The following TENM1 variants were observed in gnomAD, a reference collection of about 807,000 sequenced individuals.
TENM1 encodes the protein teneurin-1.
A neutral mutation model predicts 174.8 loss-of-function variants in TENM1; 35 were observed. That is an observed-to-expected ratio of 0.20 (90% confidence interval 0.15 to 0.27). The LOEUF is 0.27. Ranked by LOEUF, TENM1 falls within the 10% of genes least tolerant of loss-of-function variation. The pLI, the probability that TENM1 is intolerant of heterozygous loss-of-function variation, is 1.00. For synonymous variants in TENM1, 781 were observed against 798.7 expected (o/e 0.98, Z 0.37); for missense variants, 1,633 against 2,130.1 (o/e 0.77, Z 4.59).
intron 3 of TENM1, among the ~76,000 whole-genome samples, chrX:124,756,163 T>C (rs916660401): frequency 1.1e-4 from 11 of 103,276 alleles, no homozygotes; most frequent in Non-Finnish European, 1.5e-4. Flanking sequence ...CATAGTCCCA[T>C]ATTTCTTGGA....
chrX:124,691,613 G>C (rs745392602), intron 5 of TENM1, among the ~76,000 whole-genome samples: 8 of 111,570 alleles, frequency 7.2e-5, no homozygotes, highest in African/African-American at 2.6e-4. Flanking sequence ...ACTTTCCTCT[G>C]TTTCAATGGT....
At chrX:124,750,598 G>A (rs2054040338) in intron 3 of TENM1, among the ~76,000 whole-genome samples, 1 of 111,834 alleles carries the variant, frequency 8.9e-6, no homozygotes, top group Non-Finnish European at 1.9e-5. Context: ...TTAAGAATGT[G>A]TAATTTTTAA....
At chrX:124,647,041 C>T (rs771001357) in intron 8 of TENM1, among the ~76,000 whole-genome samples, 1 of 110,585 alleles carries the variant, frequency 9.0e-6, no homozygotes, top group South Asian at 3.8e-4. Flanking sequence ...AGAGTGGAAC[C>T]AAAAAACATC....
the TENM1 span, among the ~76,000 whole-genome samples, chrX:125,015,620 C>T: frequency 5.4e-5 from 6 of 111,138 alleles, no homozygotes; most frequent in Admixed American, 3.8e-4. Context: ...CCTATGCTTT[C>T]TGTGTTGTGA....
the TENM1 span, among the ~76,000 whole-genome samples, chrX:125,153,504 AT>A: frequency 8.9e-6 from 1 of 112,476 alleles, no homozygotes; most frequent in Non-Finnish European, 1.9e-5. Flanking sequence ...AACTAAGGTT[AT>A]TTTAATGCCA....
At chrX:124,944,144 CAA>C (rs1293892874) in intron 1 of TENM1, among the ~76,000 whole-genome samples, 1 of 111,394 alleles carries the variant, frequency 9.0e-6, no homozygotes, top group Admixed American at 9.6e-5. Flanking sequence ...ATGATAAGTT[CAA>C]GAGTCTTTTA....
At chrX:125,066,016 C>A in the TENM1 span, among the ~76,000 whole-genome samples, 1 of 112,068 alleles carries the variant, frequency 8.9e-6, no homozygotes. Flanking sequence ...AAGAGAGTGA[C>A]CAAGATAGCT....
At chrX:124,702,450 A>G (rs930077574) in intron 5 of TENM1, among the ~76,000 whole-genome samples, 3 of 112,197 alleles carry the variant, frequency 2.7e-5, no homozygotes, top group African/African-American at 9.7e-5. Flanking sequence ...ATTTAGCCTG[A>G]TATTTCTGCA....
chrX:124,853,291 T>A (rs956379014), intron 3 of TENM1, among the ~76,000 whole-genome samples: 3 of 111,401 alleles, frequency 2.7e-5, no homozygotes, highest in Non-Finnish European at 5.7e-5. Context: ...ACAGAGTACG[T>A]CATATTTGGG....
intron 3 of TENM1, among the ~76,000 whole-genome samples, chrX:124,874,211 G>T (rs373280033): frequency 1.8e-5 from 2 of 111,023 alleles, no homozygotes; most frequent in Admixed American, 9.6e-5. Context: ...TTTTCATATC[G>T]ACTGTATCTA....
chrX:124,383,599 C>G (rs1275204134), intron 30 of TENM1, 35 bp downstream of exon 33: 1 of 1,149,386 alleles, frequency 8.7e-7, no homozygotes, highest in Admixed American at 2.4e-5. Flanking sequence ...CTGAGTTACT[C>G]AAGTTTAGCT....
intron 11 of TENM1, among the ~76,000 whole-genome samples, chrX:124,613,743 G>A (rs764651149): frequency 9.0e-6 from 1 of 111,613 alleles, no homozygotes; most frequent in South Asian, 3.8e-4. Flanking sequence ...AACTGTAAGA[G>A]AGTATATTAT....
At chrX:124,432,172 A>C (rs1474300643) in intron 23 of TENM1, among the ~76,000 whole-genome samples, 1 of 111,870 alleles carries the variant, frequency 8.9e-6, no homozygotes, top group Non-Finnish European at 1.9e-5. Context: ...AAGATCAATA[A>C]GGGCCATCGC....
the TENM1 span, among the ~76,000 whole-genome samples, chrX:125,201,755 T>A: frequency 9.0e-6 from 1 of 111,676 alleles, no homozygotes; most frequent in African/African-American, 3.3e-5. Context: ...TCATGAAAAG[T>A]TTTCAACATT....
intron 4 of TENM1, among the ~76,000 whole-genome samples, chrX:124,713,082 C>T (rs1331916126): frequency 1.8e-5 from 2 of 111,280 alleles, no homozygotes; most frequent in East Asian, 2.8e-4. Flanking sequence ...TTCTAAACCT[C>T]GGACGCCAAG....
At chrX:124,543,356 C>T (rs1318176232) in intron 15 of TENM1, among the ~76,000 whole-genome samples, 5 of 112,339 alleles carry the variant, frequency 4.5e-5, no homozygotes, top group African/African-American at 1.6e-4. Context: ...CACGGATTGA[C>T]GTGAGGATCA....
At chrX:124,776,349 T>C (rs2054783468) in intron 3 of TENM1, among the ~76,000 whole-genome samples, 1 of 111,895 alleles carries the variant, frequency 8.9e-6, no homozygotes, top group Non-Finnish European at 1.9e-5. Flanking sequence ...GTGGAAAATA[T>C]TATAATAAAT....
chrX:124,728,289 G>A (rs1201117586), intron 4 of TENM1, among the ~76,000 whole-genome samples: 4 of 112,184 alleles, frequency 3.6e-5, no homozygotes, highest in African/African-American at 9.7e-5. Context: ...CTCATAGCTT[G>A]AGAATGATAG....
the TENM1 span, among the ~76,000 whole-genome samples, chrX:125,084,490 G>A: frequency 2.3e-4 from 26 of 110,798 alleles, no homozygotes; most frequent in Non-Finnish European, 4.7e-4. Flanking sequence ...AGTATTTTCT[G>A]TAGAAATTCA....
Sources: gnomAD v4.1 joint callset for allele counts (sites outside exome capture counted in the v4.1 genomes callset) on GRCh38, gnomAD v4.1.1 for gene constraint, MANE v1.5 for transcripts, NCBI Gene and HGNC (gene_info 2026-07-23, HGNC 2026-07-21) for gene names.